Variants in RLN1 observed in about 807,000 individuals in gnomAD.
The protein encoded by RLN1 is relaxin 1, also known as prorelaxin H1.
RLN1 carries 4 observed loss-of-function variants against 7.2 expected under a neutral mutation model. The ratio of observed to expected loss-of-function variants is 0.56; its 90% confidence interval spans 0.28 to 1.28. The LOEUF (loss-of-function observed/expected upper bound fraction) is 1.28, where lower values mean the gene tolerates loss of function less well. Ranked by LOEUF, RLN1 falls within the 50% of genes most tolerant of loss-of-function variation. The pLI is 0.11. For missense variants in RLN1, 293 were observed against 221.1 expected (o/e 1.32, Z -2.06); for synonymous variants, 105 against 86.0 (o/e 1.22, Z -1.22).
At position 5,335,276 on chromosome 9, in the gene RLN1, T is replaced by C. The variant is rs760968648; in HGVS notation, c.533A>G (p.Lys178Arg). ...FEKCCLIGCT[K>R]RSLAKYC ...TCAGCAATATTTAGCAAGAGACCTT[T>C]TGGTACAACCAATTAGGCAACATTT... The change falls in exon 2 of 2, where the codon AAA becomes AGA. Residue 178 changes from lysine (K) to arginine (R), a missense_variant. By Grantham distance (26) the Lys-to-Arg change is conservative (BLOSUM62 2). Transcript: ENST00000223862. 6.3e-7 allele frequency: 1 copy of C among 1,594,808 alleles called. No homozygotes were observed. The highest frequency in any genetic ancestry group is 8.5e-7 in the Non-Finnish European group (1 of 1,174,210).
At chr9:5,338,005 G>A (rs1181603604) in intron 1 of RLN1, among the ~76,000 whole-genome samples, 1 of 151,250 alleles carries the variant, frequency 6.6e-6, no homozygotes, top group Non-Finnish European at 1.5e-5. Context: ...AAAGTATAAT[G>A]GTGAGTGAAA....
At chr9:5,337,295 T>C (rs779569075) in intron 1 of RLN1, among the ~76,000 whole-genome samples, 5 of 152,092 alleles carry the variant, frequency 3.3e-5, no homozygotes, top group African/African-American at 9.7e-5. Flanking sequence ...AAAACAGTTA[T>C]AGATTGTATT....
chr9:5,339,979 C>T, upstream of RLN1: 1 of 571,794 alleles, frequency 1.7e-6, no homozygotes, highest in South Asian at 2.1e-5. Flanking sequence ...TGTTCTGCCT[C>T]TCCGCCCTTC....
chr9:5,335,354 C>G lies in RLN1; in HGVS notation c.455G>C (p.Gly152Ala), dbSNP rs144771394. 6 of 1,613,528 alleles carry G rather than the reference C, an allele frequency of 3.7e-6. No individual in the cohort carries two copies. Among genetic ancestry groups the G allele is most frequent in the Non-Finnish European group, 5.1e-6 (6 of 1,179,716 alleles). Residue 152 changes from glycine (G) to alanine (A), a missense_variant, in exon 2 of 2, where the codon GGC becomes GCC. By Grantham distance (60) the Gly-to-Ala change is moderately conservative. Transcript: ENST00000223862. ...CTTTTTTTGAGAATGAGTATCCAAG[C>G]CTAAGTATTTTAATTCTGAAGGATT... is the stretch of plus-strand genomic sequence containing the variant. ...DSNPSELKYL[G>A]LDTHSQKKRR...
In RLN1 at chr9:5,336,795, G is replaced by A. The variant is rs1196618468; in HGVS notation, c.212-1198C>T. ...TGAAATAATGAAAAGAAAGAGAAGAGAGGAGTAAATCTAAGTGCGGGAGGC... is the reference window on the plus strand; with the variant it reads ...TGAAATAATGAAAAGAAAGAGAAGAAAGGAGTAAATCTAAGTGCGGGAGGC... On this transcript the variant is annotated intron_variant, in intron 1 of 1. Coordinates refer to ENST00000223862, the MANE Select transcript of RLN1 (RefSeq NM_006911.4). Among the ~76,000 whole-genome samples the A allele has an allele frequency of 3.3e-5, 5 of 151,932 alleles. 1 individual carries two copies. The highest frequency in any genetic ancestry group is 1.2e-4 in the African/African-American group (5 of 41,312).
In RLN1 at chr9:5,337,176, A is replaced by G. The variant is rs139484586; in HGVS notation, c.212-1579T>C. 3.6e-4 allele frequency among the ~76,000 whole-genome samples: 54 copies of G among 152,064 alleles called. No homozygotes were observed. The South Asian group carries it at 0.011, about 30-fold the overall frequency. On this transcript the variant is annotated intron_variant, in intron 1 of 1. Transcript: ENST00000223862. Reference sequence around the variant, plus strand: ...AAGTTTAATTCAATTTCCTCATAAAAACGTCTCTGTGCTCCAACCTAAACT... The same window carrying G: ...AAGTTTAATTCAATTTCCTCATAAAGACGTCTCTGTGCTCCAACCTAAACT...
chr9:5,335,809 AC>A (rs1259971027), intron 1 of RLN1, among the ~76,000 whole-genome samples: 1 of 151,966 alleles, frequency 6.6e-6, no homozygotes, highest in Admixed American at 6.6e-5. Context: ...GCTCTGCTTT[AC>A]CCCATTGGTC....
upstream of RLN1, among the ~76,000 whole-genome samples, chr9:5,340,047 T>C (rs1347329803): frequency 1.3e-5 from 2 of 152,198 alleles, no homozygotes; most frequent in Admixed American, 1.3e-4. Flanking sequence ...TTCGCTCTTT[T>C]GTTACCCTGA....
Position 5,339,668 on chromosome 9 carries a change from A to AT in RLN1, c.78dup (p.Trp27MetfsTer7). 6.2e-7 allele frequency: 1 copy of AT among 1,613,058 alleles called. No homozygotes were observed. Among genetic ancestry groups the AT allele is most frequent in the Non-Finnish European group, 8.5e-7 (1 of 1,180,034 alleles). ...CATAATTTAATAACATCGTCCTTCC[A>AT]TTTGGCCGCGACTGCTCTGGAAAAT... On this transcript the variant is annotated frameshift_variant, in exon 1 of 2. Coordinates refer to ENST00000223862, the MANE Select transcript of RLN1 (RefSeq NM_006911.4). LOFTEE classifies it high-confidence loss of function.
At chr9:5,336,550 G>C (rs1018030296) in intron 1 of RLN1, among the ~76,000 whole-genome samples, 1 of 152,176 alleles carries the variant, frequency 6.6e-6, no homozygotes, top group East Asian at 1.9e-4. Context: ...GGCACTGCCA[G>C]TTAAAAGATA....
At position 5,339,636 on chromosome 9, in the gene RLN1, G is replaced by A. The variant is rs1213974017; in HGVS notation, c.111C>T (p.Arg37=). ...TGGCAATCTGCGCGCGAACTAATTCGCGGCCGCATAATTTAATAACATCGT... is the reference window on the plus strand; with the variant it reads ...TGGCAATCTGCGCGCGAACTAATTCACGGCCGCATAATTTAATAACATCGT... ...WKDDVIKLCG[R]ELVRAQIAIC... The change falls in exon 1 of 2, where the codon CGC becomes CGT. Residue 37 remains arginine, a synonymous_variant. Coordinates refer to ENST00000223862, the MANE Select transcript of RLN1 (RefSeq NM_006911.4). 1 of 1,612,490 alleles carries A rather than the reference G, an allele frequency of 6.2e-7. No individual in the cohort carries two copies. The highest frequency in any genetic ancestry group is 1.4e-5 in the African/African-American group (1 of 73,560).
chr9:5,337,220 A>T lies in RLN1; in HGVS notation c.212-1623T>A, dbSNP rs921185819. Among the ~76,000 whole-genome samples, 62 of 152,176 alleles carry T rather than the reference A, an allele frequency of 4.1e-4. 4 individuals carry two copies. The highest frequency in any genetic ancestry group is 1.3e-3 in the African/African-American group (56 of 41,506). On this transcript the variant is annotated intron_variant, in intron 1 of 1. Transcript: ENST00000223862. ...CTAAACTGTCTGTAGTTGCAGTCTT[A>T]TTAAATGCTGAAAAAAGCTGATGGT... is the stretch of plus-strand genomic sequence containing the variant.
chr9:5,335,647 A>G (rs1413173297), intron 1 of RLN1, 50 bp from the exon 2 acceptor site: 1 of 1,143,182 alleles, frequency 8.7e-7, no homozygotes. Context: ...CACGTCAAAG[A>G]GCATTCAGAA....
At chr9:5,337,554 T>C (rs1395423793) in intron 1 of RLN1, among the ~76,000 whole-genome samples, 3 of 151,988 alleles carry the variant, frequency 2.0e-5, no homozygotes, top group Non-Finnish European at 4.4e-5. Flanking sequence ...TTGGCACACA[T>C]TGTAAGATAA....
upstream of RLN1, chr9:5,339,932 TC>T: frequency 3.2e-6 from 2 of 623,304 alleles, no homozygotes; most frequent in Non-Finnish European, 5.7e-6. Flanking sequence ...TCCACCCCTT[TC>T]CCACACCCCT....
At position 5,335,297 on chromosome 9, in the gene RLN1, C is replaced by A; in HGVS notation, c.512G>T (p.Cys171Phe). Residue 171 changes from cysteine to phenylalanine, a missense_variant, in exon 2 of 2, where the codon TGT becomes TTT. Transcript: ENST00000223862. ...CCTTTTGGTACAACCAATTAGGCAA[C>A]ATTTCTCAAACAGTGCCACGTAGGG... ...RRPYVALFEK[C>F]CLIGCTKRSL... is the part of the protein sequence containing the mutation. The A allele has an allele frequency of 6.2e-7, 1 of 1,602,382 alleles. No individual in the cohort carries two copies. The highest frequency in any genetic ancestry group is 8.5e-7 in the Non-Finnish European group (1 of 1,176,976).
rs1428790874 is a variant in RLN1 at position 5,339,425 on chromosome 9, C to T, written c.211+111G>A. 3.0e-5 allele frequency: 21 copies of T among 693,044 alleles called. No individual in the cohort carries two copies. In the African/African-American group the frequency reaches 3.7e-4, roughly 12 times the overall value. The allele number at this position is 693,044 out of a possible 1,614,324, so 42.9% of individuals were successfully genotyped here. A position where few individuals can be genotyped will look rare whatever the true frequency, so the allele number is the denominator to read the frequency against. Reference sequence around the variant, plus strand: ...CGGCTGAGTAGGGGCTGAGCGGTGGCAGCCAATGAGATCTCGAGTCGGACG... The same window carrying T: ...CGGCTGAGTAGGGGCTGAGCGGTGGTAGCCAATGAGATCTCGAGTCGGACG... On this transcript the variant is annotated intron_variant, in intron 1 of 1. Transcript: ENST00000223862.
chr9:5,339,658 T>C lies in RLN1; in HGVS notation c.89A>G (p.Asp30Gly), dbSNP rs1816951322. 1 of 1,612,892 alleles carries C rather than the reference T, an allele frequency of 6.2e-7. No individual in the cohort carries two copies. The highest frequency in any genetic ancestry group is 8.5e-7 in the Non-Finnish European group (1 of 1,180,032). The change falls in exon 1 of 2, where the codon GAT becomes GGT. Residue 30 changes from aspartate (D) to glycine (G), a missense_variant. By Grantham distance (94) the Asp-to-Gly change is moderately conservative (BLOSUM62 -1). Coordinates refer to ENST00000223862, the MANE Select transcript of RLN1 (RefSeq NM_006911.4). ...SRAVAAKWKD[D>G]VIKLCGRELV... ...TTCGCGGCCGCATAATTTAATAACA[T>C]CGTCCTTCCATTTGGCCGCGACTGC...
intron 1 of RLN1, among the ~76,000 whole-genome samples, chr9:5,336,810 G>C (rs752471123): frequency 6.6e-6 from 1 of 151,908 alleles, no homozygotes; most frequent in Non-Finnish European, 1.5e-5. Context: ...GTAAATCTAA[G>C]TGCGGGAGGC....
Sources: gnomAD v4.1 joint callset for allele counts (sites outside exome capture counted in the v4.1 genomes callset) on GRCh38, gnomAD v4.1.1 for gene constraint, MANE v1.5 for transcripts, NCBI Gene and HGNC (gene_info 2026-07-23, HGNC 2026-07-21) for gene names.